The following PTPRA variants were observed in gnomAD, a reference collection of about 807,000 sequenced individuals.
PTPRA encodes the protein protein tyrosine phosphatase receptor type A, also known as receptor-type tyrosine-protein phosphatase alpha.
In PTPRA, 25 loss-of-function variants were observed where a neutral mutation model predicts 104.8. The ratio of observed to expected loss-of-function variants is 0.24; its 90% CI spans 0.17 to 0.33. The LOEUF (loss-of-function observed/expected upper bound fraction) is 0.33. Ranked by LOEUF, PTPRA falls within the 10% of genes least tolerant of loss-of-function variation. The pLI, the probability that PTPRA is intolerant of heterozygous loss-of-function variation, is 1.00. For synonymous variants in PTPRA, 323 were observed against 368.9 expected, an observed-to-expected ratio of 0.88 and a Z score of 1.43; for missense variants, 765 against 1,015.3, an observed-to-expected ratio of 0.75 and a Z score of 3.35.
rs150187837 is a variant in PTPRA at position 2,966,753 on chromosome 20, A to T, written c.415+1551A>T. ...TAATTTGTGGAATGTTTTTCAGTGT[A>T]CAGGTCATGACACAATTCATGAAAT... On this transcript the variant is annotated intron_variant, in intron 5 of 23. Transcript: ENST00000399903. Among the ~76,000 whole-genome samples, 23 of 152,362 alleles carry T rather than the reference A, an allele frequency of 1.5e-4. 1 individual carries two copies. In the East Asian group the frequency reaches 4.4e-3, roughly 29 times the overall value.
chr20:3,002,967 T>G (rs1428915416), intron 9 of PTPRA, among the ~76,000 whole-genome samples: 1 of 152,148 alleles, frequency 6.6e-6, no homozygotes, highest in Admixed American at 6.6e-5. Context: ...CAAGCCTTCT[T>G]CCACCTCTGG....
intron 1 of PTPRA, among the ~76,000 whole-genome samples, chr20:2,898,783 G>A (rs933714446): frequency 2.6e-5 from 4 of 152,084 alleles, no homozygotes; most frequent in Middle Eastern, 3.4e-3. Context: ...GCTTGAACCC[G>A]GGAGGCGGAG....
At chr20:2,896,329 A>C (rs1008268882) in intron 1 of PTPRA, among the ~76,000 whole-genome samples, 1 of 152,230 alleles carries the variant, frequency 6.6e-6, no homozygotes, top group Non-Finnish European at 1.5e-5. Context: ...CAGTGAGCCG[A>C]GATAGTGCCA....
Position 2,964,982 on chromosome 20 carries a change from C to CA in PTPRA, c.196dup (p.Ser66LysfsTer20). 6.2e-7 allele frequency: 1 copy of CA among 1,613,984 alleles called. No individual in the cohort carries two copies. The highest frequency in any genetic ancestry group is 8.5e-7 in the Non-Finnish European group (1 of 1,179,820). ...CTTCTCTTTCTGTGGCACCAACATT[C>CA]AGCCCAAATATAACTCTGGGACCCA... On this transcript the variant is annotated frameshift_variant, in exon 5 of 24. Coordinates refer to ENST00000399903, the MANE Select transcript of PTPRA (RefSeq NM_001385305.1). LOFTEE classifies it high-confidence loss of function.
chr20:2,989,829 AAC>A (rs1163125075), intron 9 of PTPRA, among the ~76,000 whole-genome samples: 6 of 152,096 alleles, frequency 3.9e-5, no homozygotes, highest in Non-Finnish European at 8.8e-5. Context: ...CATCCTGGCT[AAC>A]ACAGTGAAAC....
intron 6 of PTPRA, among the ~76,000 whole-genome samples, chr20:2,982,415 A>G (rs536822335): frequency 6.6e-6 from 1 of 152,254 alleles, no homozygotes; most frequent in African/African-American, 2.4e-5. Flanking sequence ...GTTGGAATTT[A>G]ACAAAGACAT....
intron 13 of PTPRA, among the ~76,000 whole-genome samples, chr20:3,019,711 G>A (rs2064746588): frequency 1.3e-5 from 2 of 152,188 alleles, no homozygotes; most frequent in Admixed American, 6.5e-5. Context: ...GCTTTGGGAG[G>A]CCAAAGCAGG....
intron 5 of PTPRA, among the ~76,000 whole-genome samples, chr20:2,972,497 C>T (rs903576324): frequency 6.6e-6 from 1 of 152,196 alleles, no homozygotes; most frequent in East Asian, 1.9e-4. Flanking sequence ...GCCAAGGCCG[C>T]CCAAACATAT....
chr20:2,889,024 A>G lies in PTPRA; in HGVS notation c.-129+15264A>G, dbSNP rs370772533. ...TACTTGGTAAGTTTTCAAAGGTTCT[A>G]CTTTGAAGAGGGCTTTTGTTGAGCA... On this transcript the variant is annotated intron_variant, in intron 1 of 23. Coordinates refer to ENST00000399903, the MANE Select transcript of PTPRA (RefSeq NM_001385305.1). 3.1e-4 allele frequency among the ~76,000 whole-genome samples: 47 copies of G among 152,342 alleles called. No homozygotes were observed. In the South Asian group the frequency reaches 9.3e-3, roughly 30 times the overall value.
intron 1 of PTPRA, among the ~76,000 whole-genome samples, chr20:2,908,036 G>A (rs994669992): frequency 6.6e-6 from 1 of 152,068 alleles, no homozygotes; most frequent in Non-Finnish European, 1.5e-5. Flanking sequence ...GCTTCTTCAT[G>A]ATTTAATTCA....
At chr20:2,922,170 A>G (rs1363682645) in intron 1 of PTPRA, among the ~76,000 whole-genome samples, 3 of 152,300 alleles carry the variant, frequency 2.0e-5, no homozygotes, top group South Asian at 2.1e-4. Context: ...AGTGTTCTAT[A>G]CTACCCTTAC....
chr20:2,955,092 A>G (rs529273817), intron 3 of PTPRA, among the ~76,000 whole-genome samples: 3 of 152,346 alleles, frequency 2.0e-5, no homozygotes, highest in South Asian at 2.1e-4. Flanking sequence ...AGTAAGCCTT[A>G]ACACTGAGTA....
chr20:2,988,130 G>T (rs747619088), intron 8 of PTPRA, 25 bp downstream of exon 8: 20 of 1,548,824 alleles, frequency 1.3e-5, no homozygotes, highest in Non-Finnish European at 1.7e-5. Context: ...AATGTCATGG[G>T]GAACCTTCAC....
chr20:2,919,588 G>A (rs1388020540), intron 1 of PTPRA, among the ~76,000 whole-genome samples: 1 of 152,092 alleles, frequency 6.6e-6, no homozygotes, highest in Non-Finnish European at 1.5e-5. Flanking sequence ...CTGCCACCCA[G>A]GCTGGAGTGC....
At chr20:2,929,711 G>A (rs1481944679) in intron 2 of PTPRA, among the ~76,000 whole-genome samples, 1 of 152,112 alleles carries the variant, frequency 6.6e-6, no homozygotes, top group Admixed American at 6.6e-5. Context: ...CGTGGTCCCA[G>A]CTATTCCAGA....
chr20:3,030,256 C>T (rs769117657), intron 20 of PTPRA, among the ~76,000 whole-genome samples: 36 of 152,118 alleles, frequency 2.4e-4, no homozygotes, highest in Non-Finnish European at 2.8e-4. Flanking sequence ...ATGTGTGTGG[C>T]GGTGGGGAGA....
chr20:3,029,788 A>G (rs770342343), intron 20 of PTPRA, among the ~76,000 whole-genome samples: 2 of 152,010 alleles, frequency 1.3e-5, no homozygotes, highest in Non-Finnish European at 2.9e-5. Flanking sequence ...TCAGCCTCCC[A>G]AAGTGCTGGG....
At chr20:2,945,090 C>T (rs930316502) in intron 2 of PTPRA, among the ~76,000 whole-genome samples, 18 of 151,950 alleles carry the variant, frequency 1.2e-4, no homozygotes, top group Admixed American at 8.5e-4. Flanking sequence ...TAGATACTTC[C>T]TTTTGACCTA....
At chr20:3,002,875 TCTCTTCCTAC>T (rs2063699682) in intron 9 of PTPRA, among the ~76,000 whole-genome samples, 1 of 152,172 alleles carries the variant, frequency 6.6e-6, no homozygotes, top group African/African-American at 2.4e-5. Flanking sequence ...GCCAGGCTCA[TCTCTTCCTAC>T]TTCCTCCTGC....
Sources: gnomAD v4.1 joint callset for allele counts (sites outside exome capture counted in the v4.1 genomes callset) on GRCh38, gnomAD v4.1.1 for gene constraint, MANE v1.5 for transcripts, NCBI Gene and HGNC (gene_info 2026-07-23, HGNC 2026-07-21) for gene names.